The following PEX16 variants were observed in gnomAD, a reference collection of about 807,000 sequenced individuals.
The protein encoded by PEX16 is peroxin 16.
In PEX16, 37 loss-of-function variants were observed where a neutral mutation model predicts 50.5. The observed-to-expected ratio is 0.73, with a 90% confidence interval of 0.56 to 0.96. The LOEUF (loss-of-function observed/expected upper bound fraction) is 0.96, where lower values mean the gene tolerates loss of function less well. Ranked by LOEUF, PEX16 falls within the 40% of genes least tolerant of loss-of-function variation. PEX16 has a pLI of 0.00. For missense variants in PEX16, 401 were observed against 438.3 expected (o/e 0.91, Z 0.76); for synonymous variants, 185 against 190.3 (o/e 0.97, Z 0.23).
At position 45,914,044 on chromosome 11, in the gene PEX16, G is replaced by T; in HGVS notation, c.767+87C>A. On this transcript the variant is annotated intron_variant, in intron 8 of 10. Transcript: ENST00000378750. ...CAGAGGGGCAGCAACAGGAGGAGCAGGGGCCGCTGCCACCCCGCCTATGTG... is the reference window on the plus strand; with the variant it reads ...CAGAGGGGCAGCAACAGGAGGAGCATGGGCCGCTGCCACCCCGCCTATGTG... The T allele has an allele frequency of 4.5e-6, 7 of 1,571,010 alleles. 1 individual carries two copies. In the South Asian group the frequency reaches 8.0e-5, roughly 18 times the overall value.
Position 45,910,321 on chromosome 11 carries a change from G to A in PEX16, c.953-9C>T. On this transcript the variant is annotated splice_polypyrimidine_tract_variant and intron_variant, in intron 10 of 10. Transcript: ENST00000378750. The stretch of plus-strand genomic sequence containing the variant: ...GTAATCCATGAGCGGCCCTGCAGTG[G>A]GAGAGGGACACATCAGGGCAGGCCA... 1 of 1,608,352 alleles carries A rather than the reference G, an allele frequency of 6.2e-7. No individual in the cohort carries two copies. The highest frequency in any genetic ancestry group is 8.5e-7 in the Non-Finnish European group (1 of 1,175,050).
At chr11:45,913,743 A>C in intron 9 of PEX16, 76 bp downstream of exon 9, 1 of 1,537,600 alleles carries the variant, frequency 6.5e-7, no homozygotes, top group Non-Finnish European at 9.0e-7. Flanking sequence ...GGGGAAGGGA[A>C]GGCGCCAGCA....
upstream of PEX16, chr11:45,918,427 G>A: frequency 5.8e-6 from 1 of 173,714 alleles, no homozygotes; most frequent in Non-Finnish European, 1.3e-5. Context: ...GGAAACTGAG[G>A]CAGTAAGGAG....
rs779326282 is a variant in PEX16 at position 45,916,272 on chromosome 11, G to A, written c.180C>T (p.Leu60=). 45 of 1,613,824 alleles carry A rather than the reference G, an allele frequency of 2.8e-5. No homozygotes were observed. The highest frequency in any genetic ancestry group is 3.5e-5 in the Non-Finnish European group (41 of 1,180,004). ...GCTCCTTCCGTAGGATCCCGTCATT[G>A]AGCAGCACAAGCAGGTTAGAGGCAG... ...VYSASNLLVL[L]NDGILRKELR... is the part of the protein sequence containing the mutation. The change falls in exon 3 of 11, where the codon CTC becomes CTT. Residue 60 remains leucine, a synonymous_variant. Coordinates refer to ENST00000378750, the MANE Select transcript of PEX16 (RefSeq NM_004813.4).
At position 45,909,745 on chromosome 11, in the gene PEX16, G is replaced by A. The variant is rs2086755075; in HGVS notation, c.*509C>T. ...CACTTGCGTGGGAGCCAGGCTCACT[G>A]TTCACCAGGCTCTGTCACAGGGAGG... On this transcript the variant is annotated 3_prime_UTR_variant, in exon 11 of 11. Coordinates refer to ENST00000378750, the MANE Select transcript of PEX16 (RefSeq NM_004813.4). 18 of 397,276 alleles carry A rather than the reference G, an allele frequency of 4.5e-5. No homozygotes were observed. Among genetic ancestry groups the A allele is most frequent in the South Asian group, 1.8e-4 (6 of 33,386 alleles). The allele number at this position is 397,276 out of a possible 1,614,324, so 24.6% of individuals were successfully genotyped here. A position where few individuals can be genotyped will look rare whatever the true frequency, so the allele number is the denominator to read the frequency against.
chr11:45,910,719 C>T (rs1339941603), intron 10 of PEX16, among the ~76,000 whole-genome samples, 179 bp downstream of exon 10: 4 of 152,246 alleles, frequency 2.6e-5, no homozygotes, highest in Non-Finnish European at 5.9e-5. Context: ...TCCAGCCATC[C>T]CTGGCTCCTC....
chr11:45,912,753 C>T (rs958326965), intron 9 of PEX16, among the ~76,000 whole-genome samples: 4 of 152,052 alleles, frequency 2.6e-5, no homozygotes, highest in African/African-American at 2.4e-5. Context: ...CCGCCCGCCT[C>T]GGCCTCCCAA....
At chr11:45,918,091 A>G, upstream of PEX16, 1 of 515,360 alleles carries the variant, frequency 1.9e-6, no homozygotes, top group Non-Finnish European at 3.5e-6. Context: ...TGACCCGCCC[A>G]GCGCCGTCAG....
chr11:45,912,780 G>A (rs1335821548), intron 9 of PEX16, among the ~76,000 whole-genome samples: 6 of 151,872 alleles, frequency 4.0e-5, no homozygotes, highest in Non-Finnish European at 8.8e-5. Flanking sequence ...GGGATTACAG[G>A]TGTGAGGCAT....
chr11:45,910,639 C>T (rs188474525), intron 10 of PEX16, among the ~76,000 whole-genome samples: 1 of 152,302 alleles, frequency 6.6e-6, no homozygotes, highest in Admixed American at 6.5e-5. Flanking sequence ...GGTCCCGTAT[C>T]GCTCCAGGAT....
chr11:45,915,843 GA>G lies in PEX16; in HGVS notation c.226-8del. 6.2e-7 allele frequency: 1 copy of G among 1,613,626 alleles called. No individual in the cohort carries two copies. The highest frequency in any genetic ancestry group is 8.5e-7 in the Non-Finnish European group (1 of 1,179,928). On this transcript the variant is annotated splice_region_variant and splice_polypyrimidine_tract_variant and intron_variant, in intron 3 of 10. Coordinates refer to ENST00000378750, the MANE Select transcript of PEX16 (RefSeq NM_004813.4). The stretch of plus-strand genomic sequence containing the variant: ...GCTTCTGCTGGGACAGCGACTGCAA[GA>G]ACCCCAGGCCAAGAAGTCAGGGGGC...
At chr11:45,913,791 C>T in intron 9 of PEX16, 28 bp downstream of exon 9, 1 of 1,613,728 alleles carries the variant, frequency 6.2e-7, no homozygotes, top group Non-Finnish European at 8.5e-7. Flanking sequence ...CAGCCCTCTC[C>T]CTGGCTCAGG....
At chr11:45,917,938 G>A, upstream of PEX16, 2 of 734,514 alleles carry the variant, frequency 2.7e-6, no homozygotes, top group South Asian at 3.0e-5. Context: ...CCGCGGGCCA[G>A]AAGGCTGAGG....
intron 9 of PEX16, among the ~76,000 whole-genome samples, chr11:45,912,504 AAAAC>A (rs747392081): frequency 4.6e-5 from 7 of 152,076 alleles, no homozygotes; most frequent in Non-Finnish European, 7.4e-5. Context: ...CTCCATCTCA[AAAAC>A]AAACAAACAA....
intron 3 of PEX16, 133 bp downstream of exon 3, chr11:45,916,094 G>C: frequency 1.2e-6 from 1 of 811,464 alleles, no homozygotes; most frequent in South Asian, 1.3e-5. Flanking sequence ...CACCTAATGA[G>C]ATGGTTTGAG....
intron 9 of PEX16, among the ~76,000 whole-genome samples, chr11:45,911,555 C>T (rs1052924125): frequency 2.6e-5 from 4 of 152,246 alleles, no homozygotes; most frequent in Non-Finnish European, 5.9e-5. Flanking sequence ...GTGCTTACTA[C>T]ACCCCACGCA....
At position 45,910,976 on chromosome 11, in the gene PEX16, T is replaced by TA. The variant is rs1171369407; in HGVS notation, c.888-15dup. ...AGGATCCTGGCCCTGGGGGAGGCAA[T>TA]AAATGGGGAGCAAGCTGAGTGGGGT... On this transcript the variant is annotated splice_polypyrimidine_tract_variant and intron_variant, in intron 9 of 10. Coordinates refer to ENST00000378750, the MANE Select transcript of PEX16 (RefSeq NM_004813.4). The TA allele has an allele frequency of 1.2e-6, 2 of 1,609,658 alleles. No homozygotes were observed. Among genetic ancestry groups the TA allele is most frequent in the South Asian group, 2.2e-5 (2 of 91,008 alleles).
upstream of PEX16, chr11:45,917,910 C>T: frequency 1.2e-6 from 1 of 868,686 alleles, no homozygotes; most frequent in Admixed American, 2.0e-5. Context: ...TTAGGCCCGC[C>T]TCTTGGTTGC....
intron 9 of PEX16, among the ~76,000 whole-genome samples, chr11:45,913,059 G>A (rs1337375653): frequency 1.3e-5 from 2 of 151,896 alleles, no homozygotes; most frequent in Admixed American, 1.3e-4. Flanking sequence ...CTGGCCTCAA[G>A]CCAACCTCCT....
Sources: gnomAD v4.1 joint callset for allele counts (sites outside exome capture counted in the v4.1 genomes callset) on GRCh38, gnomAD v4.1.1 for gene constraint, MANE v1.5 for transcripts, NCBI Gene and HGNC (gene_info 2026-07-23, HGNC 2026-07-21) for gene names.